Variants in NKAIN3 observed in about 807,000 individuals in gnomAD.
NKAIN3 encodes the protein sodium/potassium transporting ATPase interacting 3, also known as sodium/potassium-transporting ATPase subunit beta-1-interacting protein 3.
Under a neutral mutation model 30.2 loss-of-function variants are expected in NKAIN3, and 25 were observed. That is an observed-to-expected ratio of 0.83 (90% CI 0.60 to 1.16). NKAIN3 has a LOEUF of 1.16. Ranked by LOEUF, NKAIN3 falls within the 50% of genes most tolerant of loss-of-function variation. The pLI, the probability that NKAIN3 is intolerant of heterozygous loss-of-function variation, is 0.00. For missense variants in NKAIN3, 225 were observed against 254.1 expected, an observed-to-expected ratio of 0.89 and a Z score of 0.78; for synonymous variants, 91 against 89.6, an observed-to-expected ratio of 1.02 and a Z score of -0.09.
intron 5 of NKAIN3, among the ~76,000 whole-genome samples, chr8:62,919,283 C>T (rs1446291436): frequency 4.5e-5 from 5 of 112,068 alleles, no homozygotes; most frequent in East Asian, 2.9e-4. Flanking sequence ...CTCCCTCTGT[C>T]GCCCAGGCTG....
At chr8:62,898,863 G>A (rs1821517137) in intron 4 of NKAIN3, among the ~76,000 whole-genome samples, 1 of 151,990 alleles carries the variant, frequency 6.6e-6, no homozygotes, top group Admixed American at 6.6e-5. Context: ...AATATATAAG[G>A]AGCTCAAGCA....
intron 1 of NKAIN3, among the ~76,000 whole-genome samples, chr8:62,300,649 A>G (rs1312737786): frequency 1.3e-5 from 2 of 152,162 alleles, no homozygotes; most frequent in East Asian, 3.9e-4. Flanking sequence ...TATAATTGTT[A>G]GAATTTATCT....
intron 1 of NKAIN3, among the ~76,000 whole-genome samples, chr8:62,312,555 C>T (rs758796233): frequency 7.3e-5 from 11 of 150,464 alleles, no homozygotes; most frequent in East Asian, 1.9e-4. Context: ...CGATGGCTCA[C>T]GTCTGTAATA....
At chr8:62,964,860 C>T (rs1490528229) in intron 6 of NKAIN3, among the ~76,000 whole-genome samples, 3 of 151,820 alleles carry the variant, frequency 2.0e-5, no homozygotes, top group Non-Finnish European at 4.4e-5. Context: ...TTTTACCAAA[C>T]ATCTGGACAC....
chr8:62,999,480 TC>T (rs1172500714), exon 6 of NKAIN3: 1 of 152,192 alleles, frequency 6.6e-6, no homozygotes, highest in African/African-American at 2.4e-5. Context: ...CACTGCTATC[TC>T]CCACCTCTAA....
At position 62,345,394 on chromosome 8, in the gene NKAIN3, CATATACACATATATGTATATATACACAT is replaced by C. The variant is rs1563942427; in HGVS notation, c.54+96295_54+96322del. On this transcript the variant is annotated intron_variant, in intron 1 of 6. Coordinates refer to ENST00000623646, the MANE Select transcript of NKAIN3 (RefSeq NM_001304533.3). Reference sequence around the variant, plus strand: ...ATACACATATATGTATATATACACACATATACACATATATGTATATATACACATATATACACATATATGTATATATACA... The same window carrying C: ...ATACACATATATGTATATATACACACATATACACATATATGTATATATACA... 9.7e-4 allele frequency among the ~76,000 whole-genome samples: 11 copies of C among 11,366 alleles called. No individual in the cohort carries two copies. In the South Asian group the frequency reaches 0.013, roughly 13 times the overall value. 7.5% of individuals were successfully genotyped at this position (11,366 alleles called of 152,430 possible).
intron 4 of NKAIN3, among the ~76,000 whole-genome samples, chr8:62,836,742 C>G (rs1819378487): frequency 6.6e-6 from 1 of 152,076 alleles, no homozygotes; most frequent in South Asian, 2.1e-4. Flanking sequence ...GGCTCCAATG[C>G]TCTCAATATC....
intron 4 of NKAIN3, among the ~76,000 whole-genome samples, chr8:62,860,427 T>C (rs1222088386): frequency 6.6e-6 from 1 of 152,216 alleles, no homozygotes; most frequent in Non-Finnish European, 1.5e-5. Flanking sequence ...ACATTGTGTA[T>C]ACAAAATTCC....
chr8:62,587,448 C>T (rs576203490), intron 2 of NKAIN3, among the ~76,000 whole-genome samples: 2 of 151,954 alleles, frequency 1.3e-5, no homozygotes, highest in South Asian at 4.2e-4. Flanking sequence ...AATTATAGAA[C>T]ATATATGAAT....
chr8:62,275,921 G>A (rs781680878), intron 1 of NKAIN3, among the ~76,000 whole-genome samples: 10 of 152,108 alleles, frequency 6.6e-5, no homozygotes, highest in Non-Finnish European at 1.0e-4. Flanking sequence ...TATTGAGGCT[G>A]TAACAGCTAT....
intron 4 of NKAIN3, among the ~76,000 whole-genome samples, chr8:62,787,974 G>A (rs1470343674): frequency 6.6e-6 from 1 of 151,992 alleles, no homozygotes; most frequent in African/African-American, 2.4e-5. Flanking sequence ...ATTGTGAATA[G>A]TGCCGCAATA....
chr8:62,359,189 A>G (rs983543225), intron 1 of NKAIN3, among the ~76,000 whole-genome samples: 3 of 152,182 alleles, frequency 2.0e-5, no homozygotes, highest in Non-Finnish European at 4.4e-5. Context: ...ATCAAAATAT[A>G]TATATTACTA....
intron 3 of NKAIN3, among the ~76,000 whole-genome samples, chr8:62,688,169 A>T (rs1456823582): frequency 6.6e-6 from 1 of 152,166 alleles, no homozygotes; most frequent in Non-Finnish European, 1.5e-5. Context: ...TTCCTTCAAG[A>T]ATCATTAGAC....
intron 1 of NKAIN3, among the ~76,000 whole-genome samples, chr8:62,561,149 A>G (rs1271251416): frequency 6.6e-6 from 1 of 152,046 alleles, no homozygotes; most frequent in Non-Finnish European, 1.5e-5. Flanking sequence ...ACTCATTGAC[A>G]TTTCTGAGTT....
In NKAIN3 at chr8:62,974,785, A is replaced by G. The variant is rs1188329919; in HGVS notation, c.*9378A>G. ...CCAGTTTTTGCCCATTCAGTGTGATATTGGCTGTGGGTTTGTCATAACAGC... is the reference window on the plus strand; with the variant it reads ...CCAGTTTTTGCCCATTCAGTGTGATGTTGGCTGTGGGTTTGTCATAACAGC... On this transcript the variant is annotated 3_prime_UTR_variant, in exon 7 of 7. Coordinates refer to ENST00000623646, the MANE Select transcript of NKAIN3 (RefSeq NM_001304533.3). 6.6e-6 allele frequency among the ~76,000 whole-genome samples: 1 copy of G among 152,060 alleles called. No individual in the cohort carries two copies. Among genetic ancestry groups the G allele is most frequent in the Non-Finnish European group, 1.5e-5 (1 of 68,008 alleles).
intron 1 of NKAIN3, among the ~76,000 whole-genome samples, chr8:62,557,010 C>T (rs760898370): frequency 5.3e-5 from 8 of 151,862 alleles, no homozygotes; most frequent in Non-Finnish European, 1.0e-4. Flanking sequence ...TTCTTAGTGG[C>T]GATTTGTGAG....
chr8:62,370,277 G>A (rs377706506), intron 1 of NKAIN3, among the ~76,000 whole-genome samples: 167 of 152,056 alleles, frequency 1.1e-3, no homozygotes, highest in African/African-American at 3.9e-3. Context: ...CTACAAACCA[G>A]ACCAGCAAAC....
chr8:62,580,095 A>T (rs1232964384), intron 2 of NKAIN3, among the ~76,000 whole-genome samples: 1 of 152,232 alleles, frequency 6.6e-6, no homozygotes, highest in East Asian at 1.9e-4. Context: ...ATAATTGTTT[A>T]GTCACTGAAA....
rs1174903390 is a variant in NKAIN3, at chr8:62,589,597, C to T, written c.193-117C>T. ...AGAGAGCACTCTTTTCTGAGCGCTC[C>T]GTCAGTTTCTTCCCAGAAGACAGAC... On this transcript the variant is annotated intron_variant, in intron 2 of 6. Coordinates refer to ENST00000623646, the MANE Select transcript of NKAIN3 (RefSeq NM_001304533.3). The T allele has an allele frequency of 2.1e-5, 11 of 512,598 alleles. No individual in the cohort carries two copies. The East Asian group carries it at 2.2e-4, about 10-fold the overall frequency. 31.8% of individuals were successfully genotyped at this position (512,598 alleles called of 1,614,324 possible). A position where few individuals can be genotyped will look rare whatever the true frequency, so the allele number is the denominator to read the frequency against.
Sources: gnomAD v4.1 joint callset for allele counts (sites outside exome capture counted in the v4.1 genomes callset) on GRCh38, gnomAD v4.1.1 for gene constraint, MANE v1.5 for transcripts, NCBI Gene and HGNC (gene_info 2026-07-23, HGNC 2026-07-21) for gene names.